Variants in GPX3 observed in about 807,000 individuals in gnomAD.
The protein encoded by GPX3 is GPx-3.
A neutral mutation model predicts 25.1 loss-of-function variants in GPX3; 22 were observed. The observed-to-expected ratio is 0.88, with a 90% confidence interval of 0.63 to 1.25. The LOEUF (loss-of-function observed/expected upper bound fraction) is 1.25. GPX3 is among the 50% of genes most tolerant of loss of function. GPX3 has a pLI of 0.00. For missense variants in GPX3, 278 were observed against 286.6 expected, an observed-to-expected ratio of 0.97 and a Z score of 0.22; for synonymous variants, 110 against 114.5, an observed-to-expected ratio of 0.96 and a Z score of 0.25.
At position 151,021,109 on chromosome 5, in the gene GPX3, G is replaced by A. The variant is rs75530415; in HGVS notation, c.87+368G>A. ...CCCTTCAGTAGGGCCTAAGAGGGAGGGCGTCACAGAAAAAAATGCCCAGCG... is the reference window on the plus strand; with the variant it reads ...CCCTTCAGTAGGGCCTAAGAGGGAGAGCGTCACAGAAAAAAATGCCCAGCG... On this transcript the variant is annotated intron_variant, in intron 1 of 4. Transcript: ENST00000388825. 8.2e-3 allele frequency: 2,163 copies of A among 263,164 alleles called. 51 individuals are homozygous for A. Among genetic ancestry groups the A allele is most frequent in the African/African-American group, 0.047 (2,004 of 43,010 alleles). The allele number at this position is 263,164 out of a possible 1,614,324, so 16.3% of individuals were successfully genotyped here. A position where few individuals can be genotyped will look rare whatever the true frequency, so the allele number is the denominator to read the frequency against.
At chr5:151,024,434 G>A (rs1183636498) in intron 1 of GPX3, among the ~76,000 whole-genome samples, 1 of 152,196 alleles carries the variant, frequency 6.6e-6, no homozygotes, top group Non-Finnish European at 1.5e-5. Flanking sequence ...TGACCTGGTT[G>A]GAGAGTTGGT....
chr5:151,027,390 TGCCCACCTCCTTGGG>T (rs1756566184), intron 3 of GPX3, 27 bp from the exon 4 acceptor site: 1 of 1,304,992 alleles, frequency 7.7e-7, no homozygotes, highest in Admixed American at 1.7e-5. Context: ...CTGAGCCCTG[TGCCCACCTCCTTGGG>T]ACCCACCTAA....
intron 4 of GPX3, 27 bp downstream of exon 4, chr5:151,027,558 T>G (rs975762179): frequency 1.3e-5 from 19 of 1,455,372 alleles, no homozygotes; most frequent in Non-Finnish European, 1.7e-5. Flanking sequence ...CTGTGCTGGC[T>G]GGGGCTGCAG....
rs760678180 is a variant in GPX3, at chr5:151,020,670, C to G, written c.16C>G (p.Gln6Glu). The G allele has an allele frequency of 6.2e-7, 1 of 1,610,154 alleles. No individual in the cohort carries two copies. The highest frequency in any genetic ancestry group is 2.2e-5 in the East Asian group (1 of 44,810). Residue 6 changes from glutamine (Q) to glutamate (E), a missense_variant, in exon 1 of 5, where the codon CAG (glutamine) becomes GAG (glutamate). By Grantham distance (29) the Gln-to-Glu change is conservative (BLOSUM62 2). Transcript: ENST00000388825. ...CCACCCCGCCATGGCCCGGCTGCTG[C>G]AGGCGTCCTGCCTGCTTTCCCTGCT... is the stretch of plus-strand genomic sequence containing the variant. MARLLQASCLLSLLLA... is the reference protein window; with the variant it reads MARLLEASCLLSLLLA...
chr5:151,020,744 G>A lies in GPX3; in HGVS notation c.87+3G>A, dbSNP rs530184616. ...GCCGGGGACAAGAGAAGTCGAAGGT[G>A]AGTGAGCCTCCGGGCCGGGGGCCGG... On this transcript the variant is annotated splice_donor_region_variant and intron_variant, in intron 1 of 4. Transcript: ENST00000388825. The A allele has an allele frequency of 1.9e-6, 3 of 1,610,884 alleles. No homozygotes were observed. The highest frequency in any genetic ancestry group is 2.2e-5 in the East Asian group (1 of 44,786).
Position 151,028,312 on chromosome 5 carries a change from T to C in GPX3, c.*182T>C. On this transcript the variant is annotated 3_prime_UTR_variant, in exon 5 of 5. Coordinates refer to ENST00000388825, the MANE Select transcript of GPX3 (RefSeq NM_002084.5). ...TGCCAGGCATGTGGGTGTGGGTGCA[T>C]GTGGGTGTTTACACACATGCCTACA... The C allele has an allele frequency of 1.6e-6, 1 of 617,154 alleles. No homozygotes were observed. Among genetic ancestry groups the C allele is most frequent in the East Asian group, 2.8e-5 (1 of 35,772 alleles). The allele number at this position is 617,154 out of a possible 1,614,324, so 38.2% of individuals were successfully genotyped here. A position where few individuals can be genotyped will look rare whatever the true frequency, so the allele number is the denominator to read the frequency against.
rs1335806539 is a variant in GPX3 at position 151,021,027 on chromosome 5, C to T, written c.87+286C>T. 6 of 442,534 alleles carry T rather than the reference C, an allele frequency of 1.4e-5. No individual in the cohort carries two copies. The East Asian group carries it at 2.4e-4, about 18-fold the overall frequency. 27.4% of individuals were successfully genotyped at this position (442,534 alleles called of 1,614,324 possible). ...TCCCCGAGCTCGCACTTTCTCCCCA[C>T]TGCCACCTCGAGGGTCGCCTTGCTA... On this transcript the variant is annotated intron_variant, in intron 1 of 4. Coordinates refer to ENST00000388825, the MANE Select transcript of GPX3 (RefSeq NM_002084.5).
Position 151,028,161 on chromosome 5 carries a change from G to C in GPX3, c.*31G>C, listed in dbSNP as rs750092217. ...GGCCGTCTCATCCCATGTCCACCAT[G>C]TAGGGGAGGGACTTTGTTCAGGAAG... On this transcript the variant is annotated 3_prime_UTR_variant, in exon 5 of 5. Transcript: ENST00000388825. 13 of 1,528,530 alleles carry C rather than the reference G, an allele frequency of 8.5e-6. No individual in the cohort carries two copies. In the East Asian group the frequency reaches 2.9e-4, roughly 34 times the overall value. The allele number at this position is 1,528,530 out of a possible 1,614,324, so 94.7% of individuals were successfully genotyped here.
At position 151,027,446 on chromosome 5, in the gene GPX3, G is replaced by T; in HGVS notation, c.374G>T (p.Gly125Val). 4 of 1,613,216 alleles carry T rather than the reference G, an allele frequency of 2.5e-6. No individual in the cohort carries two copies. Among genetic ancestry groups the T allele is most frequent in the Non-Finnish European group, 3.4e-6 (4 of 1,179,124 alleles). The change falls in exon 4 of 5, where the codon GGT becomes GTT. Residue 125 changes from glycine (G) to valine (V), a missense_variant. Coordinates refer to ENST00000388825, the MANE Select transcript of GPX3 (RefSeq NM_002084.5). ...ILPTLKYVRP[G>V]GGFVPNFQLF... Reference sequence around the variant, plus strand: ...TTTCTCAACAGGTATGTCCGACCAGGTGGAGGCTTTGTCCCTAATTTCCAG... The same window carrying T: ...TTTCTCAACAGGTATGTCCGACCAGTTGGAGGCTTTGTCCCTAATTTCCAG...
intron 1 of GPX3, among the ~76,000 whole-genome samples, chr5:151,023,837 C>A (rs1036087100): frequency 3.5e-4 from 54 of 152,198 alleles, no homozygotes; most frequent in African/African-American, 1.3e-3. Flanking sequence ...GAATATTAGA[C>A]TCATGTAAAG....
chr5:151,027,351 C>G, intron 3 of GPX3, 81 bp from the exon 4 acceptor site: 1 of 879,980 alleles, frequency 1.1e-6, no homozygotes, highest in South Asian at 1.5e-5. Context: ...CCAACACCCT[C>G]TCCCCTGTTC....
intron 1 of GPX3, chr5:151,021,440 A>C (rs1756474745): frequency 6.6e-6 from 1 of 152,290 alleles, no homozygotes; most frequent in African/African-American, 2.4e-5. Flanking sequence ...AATGAAGCTG[A>C]GGGCCTCAGA....
intron 1 of GPX3, among the ~76,000 whole-genome samples, chr5:151,023,016 C>A (rs1014824001): frequency 6.6e-6 from 1 of 152,022 alleles, no homozygotes; most frequent in Admixed American, 6.6e-5. Context: ...AGTAATAAGA[C>A]GGGAGAGGAG....
At chr5:151,027,091 G>A (rs957859852) in intron 3 of GPX3, 74 bp downstream of exon 3, 10 of 989,850 alleles carry the variant, frequency 1.0e-5, no homozygotes, top group Middle Eastern at 2.1e-4. Context: ...CCAAATCATG[G>A]TGGACATTTA....
chr5:151,023,465 T>C (rs1242001230), intron 1 of GPX3, among the ~76,000 whole-genome samples: 2 of 152,066 alleles, frequency 1.3e-5, no homozygotes, highest in African/African-American at 4.8e-5. Context: ...CAGCAAAAAA[T>C]AGAACCTAAT....
intron 1 of GPX3, chr5:151,021,827 C>G (rs8177416): frequency 6.6e-6 from 1 of 152,304 alleles, no homozygotes; most frequent in African/African-American, 2.4e-5. Context: ...ATTTCTGTCT[C>G]CAACTTCCCA....
Position 151,025,574 on chromosome 5 carries a change from G to A in GPX3, c.241+81G>A, listed in dbSNP as rs953263694. The A allele has an allele frequency of 3.2e-6, 4 of 1,264,782 alleles. No homozygotes were observed. The African/African-American group carries it at 4.5e-5, about 14-fold the overall frequency. 78.3% of individuals were successfully genotyped at this position (1,264,782 alleles called of 1,614,324 possible). A position where few individuals can be genotyped will look rare whatever the true frequency, so the allele number is the denominator to read the frequency against. On this transcript the variant is annotated intron_variant, in intron 2 of 4. Coordinates refer to ENST00000388825, the MANE Select transcript of GPX3 (RefSeq NM_002084.5). The stretch of plus-strand genomic sequence containing the variant: ...CACAGGAGCTTTTCTGGTGCATGGG[G>A]GAAAGGGTGATGGCAATCACGAGAG...
intron 2 of GPX3, among the ~76,000 whole-genome samples, chr5:151,026,128 C>T (rs2113147123): frequency 6.6e-6 from 1 of 152,296 alleles, no homozygotes; most frequent in South Asian, 2.1e-4. Flanking sequence ...TCCTGATATG[C>T]TTACTCCTTT....
chr5:151,027,458 T>C lies in GPX3; in HGVS notation c.386T>C (p.Val129Ala), dbSNP rs540252597. ...TATGTCCGACCAGGTGGAGGCTTTG[T>C]CCCTAATTTCCAGCTCTTTGAGAAA... ...LKYVRPGGGF[V>A]PNFQLFEKGD... The change falls in exon 4 of 5, where the codon GTC becomes GCC. Residue 129 changes from valine (V) to alanine (A), a missense_variant. Transcript: ENST00000388825. 1.2e-6 allele frequency: 2 copies of C among 1,613,712 alleles called. No homozygotes were observed. Among genetic ancestry groups the C allele is most frequent in the East Asian group, 4.5e-5 (2 of 44,866 alleles).
Sources: allele counts gnomAD v4.1 joint callset (sites outside exome capture counted in the v4.1 genomes callset), GRCh38; gene constraint gnomAD v4.1.1; transcripts MANE v1.5; gene names NCBI Gene and HGNC (gene_info 2026-07-23, HGNC 2026-07-21).